SEC22A: variants seen among roughly 807,000 people sequenced by gnomAD.
SEC22A encodes the protein vesicle-trafficking protein SEC22a.
Under a neutral mutation model 35.3 loss-of-function variants are expected in SEC22A, and 22 were observed. That is an observed-to-expected ratio of 0.62 (90% CI 0.45 to 0.89). The LOEUF is 0.89. Among genes scored for constraint, SEC22A ranks in the 40% least tolerant of loss-of-function variants. SEC22A has a pLI of 0.00. For missense variants in SEC22A, 354 were observed against 362.5 expected (o/e 0.98, Z 0.19); for synonymous variants, 119 against 129.5 (o/e 0.92, Z 0.55).
At chr3:123,270,541 A>G (rs970745096) in intron 6 of SEC22A, among the ~76,000 whole-genome samples, 5 of 152,272 alleles carry the variant, frequency 3.3e-5, no homozygotes, top group Admixed American at 1.3e-4. Flanking sequence ...CAGTTTATTC[A>G]CTCAACACAT....
At chr3:123,212,983 G>A (rs867660189) in intron 2 of SEC22A, among the ~76,000 whole-genome samples, 5 of 152,150 alleles carry the variant, frequency 3.3e-5, no homozygotes, top group Non-Finnish European at 5.9e-5. Context: ...GACAGCATTT[G>A]GATAACATTC....
chr3:123,257,386 A>G (rs1937756462), intron 5 of SEC22A, among the ~76,000 whole-genome samples: 1 of 152,212 alleles, frequency 6.6e-6, no homozygotes. Context: ...CTCTAGAAAT[A>G]TGCTCCTAAG....
intron 5 of SEC22A, among the ~76,000 whole-genome samples, chr3:123,246,640 T>C (rs1288332625): frequency 4.6e-5 from 7 of 152,234 alleles, no homozygotes; most frequent in Middle Eastern, 3.2e-3. Flanking sequence ...CAGAATATAC[T>C]AATTTTTTCT....
intron 6 of SEC22A, among the ~76,000 whole-genome samples, chr3:123,269,171 T>G (rs1293811673): frequency 8.6e-6 from 1 of 116,734 alleles, no homozygotes; most frequent in Admixed American, 8.7e-5. Flanking sequence ...AAACCTTGAA[T>G]TAAATATATG....
chr3:123,207,021 G>A (rs1238345794), intron 1 of SEC22A, among the ~76,000 whole-genome samples: 1 of 152,212 alleles, frequency 6.6e-6, no homozygotes, highest in Non-Finnish European at 1.5e-5. Context: ...CTGGGAGGTG[G>A]AGGTTGCAGT....
intron 2 of SEC22A, among the ~76,000 whole-genome samples, chr3:123,218,656 C>T (rs901062412): frequency 1.2e-4 from 18 of 152,114 alleles, no homozygotes; most frequent in Admixed American, 9.8e-4. Flanking sequence ...TTCTGGAGAA[C>T]AGTAACTAGA....
chr3:123,209,055 AGTGCTGGGATTACAGGT>A, intron 1 of SEC22A, 127 bp from the exon 2 acceptor site: 1 of 587,298 alleles, frequency 1.7e-6, no homozygotes, highest in East Asian at 3.3e-5. Context: ...AGCCACCCAA[AGTGCTGGGATTACAGGT>A]GTGAGCCACC....
chr3:123,250,942 A>G (rs186523464), intron 5 of SEC22A, among the ~76,000 whole-genome samples: 1 of 152,330 alleles, frequency 6.6e-6, no homozygotes, highest in Admixed American at 6.5e-5. Context: ...ATTTATGTGT[A>G]TCTTTTTATA....
chr3:123,226,444 C>T (rs1269825519), intron 4 of SEC22A, among the ~76,000 whole-genome samples: 2 of 152,154 alleles, frequency 1.3e-5, no homozygotes, highest in African/African-American at 2.4e-5. Context: ...CTCTGATGAT[C>T]GGTGATGTTG....
chr3:123,206,514 G>GTA (rs1936855640), intron 1 of SEC22A, among the ~76,000 whole-genome samples: 2 of 152,060 alleles, frequency 1.3e-5, no homozygotes, highest in South Asian at 4.2e-4. Context: ...ACGCTTAAGG[G>GTA]GATAGAGTAA....
chr3:123,263,572 A>G (rs1484194184), intron 6 of SEC22A, among the ~76,000 whole-genome samples: 1 of 152,138 alleles, frequency 6.6e-6, no homozygotes, highest in Non-Finnish European at 1.5e-5. Flanking sequence ...GCTGGAGTGC[A>G]GTGGCGCGAT....
chr3:123,238,437 C>A (rs1292132717), intron 4 of SEC22A, among the ~76,000 whole-genome samples: 1 of 152,152 alleles, frequency 6.6e-6, no homozygotes, highest in Non-Finnish European at 1.5e-5. Context: ...ACCTCGTGAT[C>A]TGCCCACTTT....
intron 6 of SEC22A, among the ~76,000 whole-genome samples, chr3:123,269,219 A>T (rs79127033): frequency 0.013 from 588 of 45,044 alleles, 5 homozygotes; most frequent in South Asian, 0.015. Flanking sequence ...GTGTGTGTAT[A>T]TATTACTGGA....
chr3:123,241,670 CTGTT>C (rs1158587950), intron 4 of SEC22A, among the ~76,000 whole-genome samples: 2 of 152,112 alleles, frequency 1.3e-5, no homozygotes, highest in African/African-American at 4.8e-5. Flanking sequence ...AGCTTTCATC[CTGTT>C]TTTCTCTCCT....
chr3:123,269,175 A>ATGTG (rs1491362924), intron 6 of SEC22A, among the ~76,000 whole-genome samples: 1 of 79,358 alleles, frequency 1.3e-5, no homozygotes, highest in Admixed American at 1.3e-4. Flanking sequence ...CTTGAATTAA[A>ATGTG]TATATGTGTG....
chr3:123,266,327 T>C lies in SEC22A; in HGVS notation c.724-5195T>C, dbSNP rs940832260. 2.0e-5 allele frequency among the ~76,000 whole-genome samples: 3 copies of C among 152,148 alleles called. No individual in the cohort carries two copies. In the South Asian group the frequency reaches 6.2e-4, roughly 31 times the overall value. On this transcript the variant is annotated intron_variant, in intron 6 of 6. Transcript: ENST00000492595. Reference sequence around the variant, plus strand: ...TCTTTACTATTTTCTTCCATATGCCTGCTTTGCATTTATTTTGTTCTTTTT... The same window carrying C: ...TCTTTACTATTTTCTTCCATATGCCCGCTTTGCATTTATTTTGTTCTTTTT...
chr3:123,229,994 C>G (rs1174798083), intron 4 of SEC22A, among the ~76,000 whole-genome samples: 1 of 151,758 alleles, frequency 6.6e-6, no homozygotes, highest in African/African-American at 2.4e-5. Context: ...TTAAAAAAGA[C>G]AGTAAAGGCC....
At chr3:123,209,749 T>TA (rs1936908356) in intron 2 of SEC22A, among the ~76,000 whole-genome samples, 1 of 152,338 alleles carries the variant, frequency 6.6e-6, no homozygotes, top group Admixed American at 6.5e-5. Flanking sequence ...TGAAGCAACT[T>TA]ACGTCTAGTG....
intron 1 of SEC22A, among the ~76,000 whole-genome samples, chr3:123,202,886 T>G (rs1936774722): frequency 6.6e-6 from 1 of 152,064 alleles, no homozygotes; most frequent in Admixed American, 6.6e-5. Flanking sequence ...TGATATTTGC[T>G]TACATGCTAA....
Sources: gnomAD v4.1 joint callset for allele counts (sites outside exome capture counted in the v4.1 genomes callset) on GRCh38, gnomAD v4.1.1 for gene constraint, MANE v1.5 for transcripts, NCBI Gene and HGNC (gene_info 2026-07-23, HGNC 2026-07-21) for gene names.